The following ARHGAP45 variants were observed in gnomAD, a reference collection of about 807,000 sequenced individuals.
The protein encoded by ARHGAP45 is rho GTPase-activating protein 45.
ARHGAP45 carries 56 observed loss-of-function variants against 116.1 expected under a neutral mutation model. The ratio of observed to expected loss-of-function variants is 0.48; its 90% CI spans 0.39 to 0.60. ARHGAP45 has a LOEUF of 0.60. ARHGAP45 is among the 20% of genes least tolerant of loss of function. The pLI is 0.00. For synonymous variants in ARHGAP45, 866 were observed against 701.7 expected, an observed-to-expected ratio of 1.23 and a Z score of -3.70; for missense variants, 1,622 against 1,601.0, an observed-to-expected ratio of 1.01 and a Z score of -0.22.
intron 8 of ARHGAP45, 32 bp from the exon 9 acceptor site, chr19:1,074,582 C>A (rs1413759481): frequency 6.6e-7 from 1 of 1,517,426 alleles, no homozygotes; most frequent in Non-Finnish European, 8.9e-7. Context: ...CTCCATCCCT[C>A]CCCACCCAGT....
intron 11 of ARHGAP45, 60 bp downstream of exon 11, chr19:1,078,105 TGA>T: frequency 6.6e-7 from 1 of 1,504,406 alleles, no homozygotes; most frequent in Non-Finnish European, 8.9e-7. Flanking sequence ...ATGCTTGGTG[TGA>T]CATTTACTAC....
intron 21 of ARHGAP45, 23 bp downstream of exon 21, chr19:1,083,376 G>T (rs1444547552): frequency 1.3e-6 from 2 of 1,534,872 alleles, no homozygotes; most frequent in East Asian, 2.4e-5. Context: ...GCCTGACCGG[G>T]GCTGGCCACT....
At position 1,080,352 on chromosome 19, in the gene ARHGAP45, GAGGGCACACCTGCCAAGGACC is replaced by G; in HGVS notation, c.1803_1823del (p.Glu601_His608delinsAsp). 1 of 1,607,832 alleles carries G rather than the reference GAGGGCACACCTGCCAAGGACC, an allele frequency of 6.2e-7. No homozygotes were observed. The highest frequency in any genetic ancestry group is 8.5e-7 in the Non-Finnish European group (1 of 1,178,888). On this transcript the variant is annotated inframe_deletion, in exon 14 of 23. Transcript: ENST00000313093. ...CCCCCCAGAAGAAGGCGGGTGCACT[GAGGGCACACCTGCCAAGGACC>G]ACAGGGGTGAGTGTCCGGCGGGGCC...
chr19:1,079,772 G>T lies in ARHGAP45; in HGVS notation c.1444G>T (p.Asp482Tyr). Residue 482 changes from aspartate (D) to tyrosine (Y), a missense_variant, in exon 12 of 23, where the codon GAT becomes TAT. By Grantham distance (160) the Asp-to-Tyr change is radical (BLOSUM62 -3). This residue lies in a region of ARHGAP45 where 1,334 missense variants were observed against 1,263.8 expected (regional missense o/e 1.06). Coordinates refer to ENST00000313093, the MANE Select transcript of ARHGAP45 (RefSeq NM_012292.5). Reference protein sequence around the residue: ...DAKTQKQELEDTKVTALRQIQ... With the variant: ...DAKTQKQELEYTKVTALRQIQ... ...GAAGACGCAGAAGCAGGAGCTGGAG[G>T]ATACCAAGGTGACGGCGCTGCGGCA... is the stretch of plus-strand genomic sequence containing the variant. 1 of 1,612,140 alleles carries T rather than the reference G, an allele frequency of 6.2e-7. No individual in the cohort carries two copies. Among genetic ancestry groups the T allele is most frequent in the Non-Finnish European group, 8.5e-7 (1 of 1,179,294 alleles).
At chr19:1,079,597 C>A in intron 11 of ARHGAP45, 106 bp from the exon 12 acceptor site, 2 of 1,444,622 alleles carry the variant, frequency 1.4e-6, no homozygotes, top group Non-Finnish European at 9.4e-7. Context: ...CTGTGGCCTC[C>A]CGAGGCGCTG....
intron 10 of ARHGAP45, 147 bp downstream of exon 10, chr19:1,075,026 C>T: frequency 4.4e-6 from 2 of 456,856 alleles, no homozygotes; most frequent in Non-Finnish European, 6.1e-6. Context: ...CAGGCTGGGC[C>T]GCCCCCCCCA....
chr19:1,071,542 CGGGG>C lies in ARHGAP45; in HGVS notation c.422-1606_422-1603del. ...GCCGGCTTCCCGGGTAGGGGGTGTG[CGGGG>C]ACAGCCGGGGGTCCGTGCGCCGGCC... is the stretch of plus-strand genomic sequence containing the variant. On this transcript the variant is annotated intron_variant, in intron 2 of 22. Coordinates refer to ENST00000313093, the MANE Select transcript of ARHGAP45 (RefSeq NM_012292.5). The surrounding 1 kb of genome is among the most constrained non-coding windows in gnomAD (Gnocchi z 4.6). 1 of 277,712 alleles carries C rather than the reference CGGGG, an allele frequency of 3.6e-6. No individual in the cohort carries two copies. The highest frequency in any genetic ancestry group is 5.5e-6 in the Non-Finnish European group (1 of 181,518). The allele number at this position is 277,712 out of a possible 1,614,324, so 17.2% of individuals were successfully genotyped here.
upstream of ARHGAP45, chr19:1,067,119 G>T: frequency 9.1e-7 from 1 of 1,097,918 alleles, no homozygotes; most frequent in Non-Finnish European, 1.1e-6. Flanking sequence ...GAAGCGGGGG[G>T]CGCGGCCCGG....
chr19:1,072,996 C>T (rs530717335), intron 2 of ARHGAP45, among the ~76,000 whole-genome samples, 153 bp from the exon 3 acceptor site: 2 of 152,308 alleles, frequency 1.3e-5, no homozygotes, highest in African/African-American at 2.4e-5. Flanking sequence ...GTGCCCTCCC[C>T]GCGGTCTCGA....
At position 1,085,775 on chromosome 19, in the gene ARHGAP45, C is replaced by G; in HGVS notation, c.3180C>G (p.Ser1060Arg). ...TCAGCTTCCTGGAGCAGCAGCAGAG[C>G]GAGGCCAGCCTAGAGGTGGCTTCTG... ...GHLSFLEQQQ[S>R]EASLEVASGS... is the part of the protein sequence containing the mutation. The change falls in exon 23 of 23, where the codon AGC (serine) becomes AGG (arginine). Residue 1060 changes from serine to arginine, a missense_variant. Transcript: ENST00000313093. 6.2e-7 allele frequency: 1 copy of G among 1,612,628 alleles called. No individual in the cohort carries two copies. Among genetic ancestry groups the G allele is most frequent in the Non-Finnish European group, 8.5e-7 (1 of 1,179,826 alleles).
At position 1,083,357 on chromosome 19, in the gene ARHGAP45, A is replaced by C; in HGVS notation, c.2955+4A>C. 1 of 1,542,820 alleles carries C rather than the reference A, an allele frequency of 6.5e-7. No homozygotes were observed. Among genetic ancestry groups the C allele is most frequent in the Non-Finnish European group, 8.7e-7 (1 of 1,147,542 alleles). On this transcript the variant is annotated splice_donor_region_variant and intron_variant, in intron 21 of 22. Transcript: ENST00000313093. ...GGAGGAGACCCCCGGGGGCCAGGTG[A>C]GGGTGTGGGCCTGACCGGGGCTGGC...
intron 10 of ARHGAP45, chr19:1,077,192 G>A: frequency 2.0e-6 from 2 of 985,358 alleles, no homozygotes; most frequent in Non-Finnish European, 2.4e-6. Flanking sequence ...TCGTCTGTGA[G>A]GAGGGAAGTG....
rs2145109839 is a variant in ARHGAP45 at position 1,085,886 on chromosome 19, C to G, written c.3291C>G (p.Leu1097=). 1 of 1,612,912 alleles carries G rather than the reference C, an allele frequency of 6.2e-7. No homozygotes were observed. The highest frequency in any genetic ancestry group is 8.5e-7 in the Non-Finnish European group (1 of 1,179,960). The change falls in exon 23 of 23, where the codon CTC becomes CTG. Residue 1097 remains leucine, a synonymous_variant. Transcript: ENST00000313093. ...ACGAGGACGGCCCGGCCCAGCAGCT[C>G]TCAGGATTCAACACCAACCAGTCCA... The part of the protein sequence containing the change: ...DGDEDGPAQQ[L]SGFNTNQSNN...
rs548372977 is a variant in ARHGAP45, at chr19:1,080,538, C to T, written c.1903C>T (p.Pro635Ser). The change falls in exon 15 of 23, where the codon CCT becomes TCT. Residue 635 changes from proline to serine, a missense_variant. Coordinates refer to ENST00000313093, the MANE Select transcript of ARHGAP45 (RefSeq NM_012292.5). Reference sequence around the variant, plus strand: ...CTCGGACAGTGGGCTGGACCCCGGCCCTGGCGCAGGTGAGGGAGGCTCTCT... The same window carrying T: ...CTCGGACAGTGGGCTGGACCCCGGCTCTGGCGCAGGTGAGGGAGGCTCTCT... ...SDSDSGLDPG[P>S]GAGDFKKFER... 39 of 1,612,896 alleles carry T rather than the reference C, an allele frequency of 2.4e-5. No individual in the cohort carries two copies. The South Asian group carries it at 3.8e-4, about 16-fold the overall frequency.
chr19:1,081,355 G>T, intron 17 of ARHGAP45, 195 bp from the exon 18 acceptor site: 1 of 664,150 alleles, frequency 1.5e-6, no homozygotes, highest in South Asian at 2.2e-5. Flanking sequence ...AAAACCAAGG[G>T]GCGGGAAGGA....
chr19:1,078,135 T>C, intron 11 of ARHGAP45, 90 bp downstream of exon 11: 2 of 577,732 alleles, frequency 3.5e-6, no homozygotes, highest in South Asian at 3.3e-5. Context: ...CCTTTGTTTT[T>C]GTTTTTTTGT....
Position 1,071,195 on chromosome 19 carries a change from TG to T in ARHGAP45, c.422-1953del. The T allele has an allele frequency of 7.2e-7, 1 of 1,384,616 alleles. No individual in the cohort carries two copies. The allele number at this position is 1,384,616 out of a possible 1,614,324, so 85.8% of individuals were successfully genotyped here. On this transcript the variant is annotated intron_variant, in intron 2 of 22. Coordinates refer to ENST00000313093, the MANE Select transcript of ARHGAP45 (RefSeq NM_012292.5). The surrounding 1 kb of genome is among the most constrained non-coding windows in gnomAD (Gnocchi z 4.6). The stretch of plus-strand genomic sequence containing the variant: ...TTTCCCTCGCGGGGGCGGGGCCTCC[TG>T]ACCGGCCGGAGCCGGTTTGGCCACC...
At chr19:1,074,995 T>A in intron 10 of ARHGAP45, 116 bp downstream of exon 10, 1 of 812,762 alleles carries the variant, frequency 1.2e-6, no homozygotes, top group Non-Finnish European at 1.6e-6. Context: ...CGCCCCGGCC[T>A]CCTGCGCATG....
In ARHGAP45 at chr19:1,077,100, C is replaced by T. The variant is rs977601861; in HGVS notation, c.1186-757C>T. 3 of 985,208 alleles carry T rather than the reference C, an allele frequency of 3.0e-6. No homozygotes were observed. The African/African-American group carries it at 5.2e-5, about 17-fold the overall frequency. 61.0% of individuals were successfully genotyped at this position (985,208 alleles called of 1,614,324 possible). A position where few individuals can be genotyped will look rare whatever the true frequency, so the allele number is the denominator to read the frequency against. ...TGGTGCAGGTTGTGAGGTGTGGCCCCCGAGCCCACAGGTTTTTGACTAAGT... is the reference window on the plus strand; with the variant it reads ...TGGTGCAGGTTGTGAGGTGTGGCCCTCGAGCCCACAGGTTTTTGACTAAGT... On this transcript the variant is annotated intron_variant, in intron 10 of 22. Coordinates refer to ENST00000313093, the MANE Select transcript of ARHGAP45 (RefSeq NM_012292.5).
Sources: allele counts gnomAD v4.1 joint callset (sites outside exome capture counted in the v4.1 genomes callset), GRCh38; gene constraint gnomAD v4.1.1; regional missense constraint gnomAD v4.1.1; non-coding constraint Gnocchi (gnomAD v3.1); transcripts MANE v1.5; gene names NCBI Gene and HGNC (gene_info 2026-07-23, HGNC 2026-07-21).